ABCB11: variants seen among roughly 807,000 people sequenced by gnomAD.
ABCB11 encodes bile salt export pump.
In ABCB11, 95 loss-of-function variants were observed where a neutral mutation model predicts 148.0. The observed-to-expected ratio is 0.64, with a 90% CI of 0.54 to 0.76. The LOEUF is 0.76. ABCB11 is among the 30% of genes least tolerant of loss of function. The probability of loss-of-function intolerance (pLI) is 0.00; values close to 1 mark genes in which losing one functional copy is unlikely to be tolerated. For synonymous variants in ABCB11, 591 were observed against 555.4 expected (o/e 1.06, Z -0.90); for missense variants, 1,523 against 1,617.8 (o/e 0.94, Z 1.01).
intron 6 of ABCB11, among the ~76,000 whole-genome samples, chr2:168,995,694 G>A (rs976098518): frequency 4.0e-5 from 6 of 151,814 alleles, no homozygotes; most frequent in Non-Finnish European, 8.8e-5. Context: ...CTGAGATTTG[G>A]GTTTGAATCC....
chr2:168,967,781 C>A (rs1022078772), intron 17 of ABCB11, among the ~76,000 whole-genome samples: 3 of 151,902 alleles, frequency 2.0e-5, no homozygotes, highest in African/African-American at 7.2e-5. Context: ...ATCAGAGGAG[C>A]AGTTTTATTG....
chr2:169,020,602 G>C (rs1431424770), intron 1 of ABCB11, among the ~76,000 whole-genome samples: 3 of 152,092 alleles, frequency 2.0e-5, no homozygotes, highest in African/African-American at 7.2e-5. Context: ...TCAAAATCAT[G>C]CTACGTGAAA....
In ABCB11 at chr2:168,924,745, C is replaced by T. The variant is rs778992761; in HGVS notation, c.3677G>A (p.Arg1226His). ...GSQLSRGEKQ[R>H]IAIARAIVRD... ...TACAATGGCCCGAGCAATAGCAATG[C>T]GTTGTTTCTCCCCTCTAGAGAGTTG... The change falls in exon 27 of 28, where the codon CGC becomes CAC. Residue 1226 changes from arginine (R) to histidine (H), a missense_variant. Coordinates refer to ENST00000650372, the MANE Select transcript of ABCB11 (RefSeq NM_003742.4). The T allele has an allele frequency of 1.3e-5, 21 of 1,613,414 alleles. No homozygotes were observed. Among genetic ancestry groups the T allele is most frequent in the African/African-American group, 1.1e-4 (8 of 74,790 alleles).
intron 17 of ABCB11, among the ~76,000 whole-genome samples, chr2:168,965,257 C>A (rs544724114): frequency 1.4e-4 from 22 of 151,848 alleles, no homozygotes; most frequent in African/African-American, 5.1e-4. Context: ...ATACTGAGTA[C>A]ATGACAAGCA....
chr2:168,975,780 A>ATATATATATCACATATATAT (rs1693872507), intron 12 of ABCB11, among the ~76,000 whole-genome samples: 1 of 147,684 alleles, frequency 6.8e-6, no homozygotes, highest in Non-Finnish European at 1.5e-5. Context: ...CAGATATATG[A>ATATATATATCACATATATAT]TATATATATC....
At chr2:169,009,420 C>A (rs1695114616) in intron 5 of ABCB11, among the ~76,000 whole-genome samples, 1 of 151,894 alleles carries the variant, frequency 6.6e-6, no homozygotes, top group South Asian at 2.1e-4. Flanking sequence ...GAGTTCATGT[C>A]CTTTGTAGGG....
intron 19 of ABCB11, among the ~76,000 whole-genome samples, chr2:168,955,833 T>G (rs1367361877): frequency 2.6e-5 from 4 of 151,466 alleles, no homozygotes; most frequent in Non-Finnish European, 5.9e-5. Flanking sequence ...CCAGATAAAA[T>G]GGGGGTACAA....
intron 5 of ABCB11, among the ~76,000 whole-genome samples, chr2:168,998,693 C>G (rs753395574): frequency 2.6e-5 from 4 of 152,054 alleles, no homozygotes; most frequent in Admixed American, 6.6e-5. Flanking sequence ...AGTTTACAAA[C>G]ATATGTGGAT....
intron 17 of ABCB11, among the ~76,000 whole-genome samples, chr2:168,967,739 G>A (rs569088046): frequency 6.6e-6 from 1 of 151,760 alleles, no homozygotes. Flanking sequence ...AAACACTCCT[G>A]GGCAGAATTC....
At chr2:168,939,213 C>T (rs1358975094) in intron 21 of ABCB11, among the ~76,000 whole-genome samples, 1 of 151,476 alleles carries the variant, frequency 6.6e-6, no homozygotes, top group Non-Finnish European at 1.5e-5. Context: ...GAATTCTGTT[C>T]AAAGAGTATA....
At chr2:169,001,439 T>C (rs747729812) in intron 5 of ABCB11, among the ~76,000 whole-genome samples, 1 of 152,122 alleles carries the variant, frequency 6.6e-6, no homozygotes, top group Non-Finnish European at 1.5e-5. Flanking sequence ...GTGGTGGTAA[T>C]GTTTTGACTC....
Position 168,980,680 on chromosome 2 carries a change from A to G in ABCB11, c.1084-701T>C, listed in dbSNP as rs112375378. Among the ~76,000 whole-genome samples, 979 of 152,194 alleles carry G rather than the reference A, an allele frequency of 6.4e-3. 10 individuals are homozygous for G. Among genetic ancestry groups the G allele is most frequent in the African/African-American group, 0.021 (887 of 41,532 alleles). ...AATCCAGGCTTTTGACTGCCATTCT[A>G]CCTAGCTCCCAGACTCACCTGTTGC... is the stretch of plus-strand genomic sequence containing the variant. On this transcript the variant is annotated intron_variant, in intron 10 of 27. Coordinates refer to ENST00000650372, the MANE Select transcript of ABCB11 (RefSeq NM_003742.4).
intron 22 of ABCB11, among the ~76,000 whole-genome samples, 169 bp downstream of exon 22, chr2:168,936,061 C>T (rs1691806599): frequency 6.6e-6 from 1 of 152,206 alleles, no homozygotes; most frequent in Non-Finnish European, 1.5e-5. Flanking sequence ...AGCTTTATTG[C>T]CTCAGCCTTT....
chr2:169,016,476 G>A (rs942549479), intron 3 of ABCB11, among the ~76,000 whole-genome samples: 3 of 152,110 alleles, frequency 2.0e-5, no homozygotes, highest in Non-Finnish European at 4.4e-5. Context: ...GGGGTTTAGA[G>A]ACCTCTCCAA....
chr2:168,936,445 A>C lies in ABCB11; in HGVS notation c.2611-12T>G. Reference sequence around the variant, plus strand: ...TGAGAGCCGGCAGCCTGCAAACCAAAAAGCAATCAACCCGTCTCAGACACA... The same window carrying C: ...TGAGAGCCGGCAGCCTGCAAACCAACAAGCAATCAACCCGTCTCAGACACA... On this transcript the variant is annotated splice_polypyrimidine_tract_variant and intron_variant, in intron 21 of 27. Transcript: ENST00000650372. The C allele has an allele frequency of 6.2e-7, 1 of 1,613,630 alleles. No individual in the cohort carries two copies. The highest frequency in any genetic ancestry group is 8.5e-7 in the Non-Finnish European group (1 of 1,179,752).
chr2:168,990,173 G>C (rs1299584779), intron 9 of ABCB11, among the ~76,000 whole-genome samples: 1 of 152,190 alleles, frequency 6.6e-6, no homozygotes, highest in East Asian at 1.9e-4. Flanking sequence ...AATTTGAGGA[G>C]GACTGGTACT....
At chr2:169,013,572 A>G (rs923078275) in intron 4 of ABCB11, 62 bp from the exon 5 acceptor site, 1 of 1,365,850 alleles carries the variant, frequency 7.3e-7, no homozygotes, top group African/African-American at 1.4e-5. Context: ...TAGGAGGACT[A>G]CTTAATTTAG....
Position 168,920,788 on chromosome 2 carries a change from A to G in ABCB11, c.*2834T>C, listed in dbSNP as rs1691051085. 6.6e-6 allele frequency among the ~76,000 whole-genome samples: 1 copy of G among 152,244 alleles called. No homozygotes were observed. The highest frequency in any genetic ancestry group is 1.5e-5 in the Non-Finnish European group (1 of 68,042). ...CATCATCGCCCCCTGGTGTTGTAAA[A>G]TAAACATGCAATGTTATTTATTTAT... On this transcript the variant is annotated 3_prime_UTR_variant, in exon 28 of 28. Transcript: ENST00000650372.
intron 1 of ABCB11, 29 bp from the exon 2 acceptor site, chr2:169,018,181 AATT>A: frequency 6.4e-7 from 1 of 1,561,300 alleles, no homozygotes; most frequent in South Asian, 1.1e-5. Context: ...GAATCATTGC[AATT>A]ATTATCTCTT....
Sources: allele counts gnomAD v4.1 joint callset (sites outside exome capture counted in the v4.1 genomes callset), GRCh38; gene constraint gnomAD v4.1.1; transcripts MANE v1.5; gene names NCBI Gene and HGNC (gene_info 2026-07-23, HGNC 2026-07-21).